CCDC178: variants seen among roughly 807,000 people sequenced by gnomAD.
CCDC178 encodes the protein coiled-coil domain containing 178, also known as coiled-coil domain-containing protein 178.
CCDC178 carries 126 observed loss-of-function variants against 117.4 expected under a neutral mutation model. The ratio of observed to expected loss-of-function variants is 1.07; its 90% confidence interval spans 0.93 to 1.24. The LOEUF is 1.24. CCDC178 is among the 50% of genes most tolerant of loss of function. The pLI, the probability that CCDC178 is intolerant of heterozygous loss-of-function variation, is 0.00. For missense variants in CCDC178, 1,030 were observed against 986.9 expected (o/e 1.04, Z -0.59); for synonymous variants, 283 against 313.4 (o/e 0.90, Z 1.02).
At chr18:33,220,907 G>A (rs373965346) in intron 18 of CCDC178, among the ~76,000 whole-genome samples, 33 of 152,066 alleles carry the variant, frequency 2.2e-4, no homozygotes, top group African/African-American at 7.2e-4. Context: ...TCTAGTGTGC[G>A]AGAAGTGCCA....
chr18:33,073,111 T>C (rs1439391907), intron 21 of CCDC178, among the ~76,000 whole-genome samples: 1 of 151,798 alleles, frequency 6.6e-6, no homozygotes, highest in Non-Finnish European at 1.5e-5. Context: ...TTTTTCTTTT[T>C]TGTGACATAA....
At chr18:32,977,220 CTTAAAG>C (rs1425637458) in intron 21 of CCDC178, among the ~76,000 whole-genome samples, 1 of 152,098 alleles carries the variant, frequency 6.6e-6, no homozygotes, top group Non-Finnish European at 1.5e-5. Context: ...TTCCGTCTAA[CTTAAAG>C]TTTAAGTTAT....
chr18:33,288,708 A>G (rs577365303), intron 12 of CCDC178, among the ~76,000 whole-genome samples: 141 of 152,258 alleles, frequency 9.3e-4, no homozygotes, highest in African/African-American at 3.2e-3. Context: ...CATAAGGAAG[A>G]AAGTTAAGAG....
intron 5 of CCDC178, among the ~76,000 whole-genome samples, chr18:33,371,800 C>CACACACACACAA (rs1470706456): frequency 2.6e-5 from 4 of 151,388 alleles, no homozygotes; most frequent in African/African-American, 9.7e-5. Context: ...CACACACACA[C>CACACACACACAA]ACACACACAC....
intron 22 of CCDC178, among the ~76,000 whole-genome samples, chr18:32,971,503 T>C (rs1598743090): frequency 6.6e-6 from 1 of 152,312 alleles, no homozygotes; most frequent in Admixed American, 6.5e-5. Flanking sequence ...TATGTCTTTA[T>C]AGTAGAATGA....
In CCDC178 at chr18:33,006,287, T is replaced by C. The variant is rs553187079; in HGVS notation, c.2389-31606A>G. Among the ~76,000 whole-genome samples, 3 of 152,166 alleles carry C rather than the reference T, an allele frequency of 2.0e-5. No individual in the cohort carries two copies. The East Asian group carries it at 5.8e-4, about 29-fold the overall frequency. ...TGCTTCAATGCATTATGTAAGCTAA[T>C]TTACCTACACAGTCACAATCAGTTG... On this transcript the variant is annotated intron_variant, in intron 21 of 22. Coordinates refer to ENST00000383096, the MANE Select transcript of CCDC178 (RefSeq NM_001105528.4).
intron 21 of CCDC178, among the ~76,000 whole-genome samples, chr18:32,994,211 C>T (rs556461881): frequency 7.9e-5 from 12 of 152,260 alleles, no homozygotes; most frequent in Admixed American, 3.9e-4. Flanking sequence ...TGCTTGTATT[C>T]CATTCTTTTT....
At chr18:33,097,191 A>G (rs2057556122) in intron 20 of CCDC178, among the ~76,000 whole-genome samples, 1 of 152,126 alleles carries the variant, frequency 6.6e-6, no homozygotes, top group African/African-American at 2.4e-5. Context: ...GAAAGCATAC[A>G]GCTTCTGCCT....
chr18:33,114,434 C>A (rs1029420455), intron 20 of CCDC178, among the ~76,000 whole-genome samples: 2 of 151,912 alleles, frequency 1.3e-5, no homozygotes, highest in South Asian at 4.2e-4. Context: ...GGGAACACTG[C>A]AATGGGGATT....
chr18:33,119,702 T>C (rs1317872281), intron 20 of CCDC178, among the ~76,000 whole-genome samples: 4 of 152,170 alleles, frequency 2.6e-5, no homozygotes, highest in South Asian at 2.1e-4. Context: ...CCCAAAGGAT[T>C]ATCAATCATG....
rs568839829 is a variant in CCDC178 at position 33,320,273 on chromosome 18, T to C, written c.1022+3218A>G. Among the ~76,000 whole-genome samples, 391 of 152,258 alleles carry C rather than the reference T, an allele frequency of 2.6e-3. 1 individual carries two copies. The highest frequency in any genetic ancestry group is 6.8e-3 in the Middle Eastern group (2 of 294). The stretch of plus-strand genomic sequence containing the variant: ...TCAGGCAGGAGAAAGAAAGAAAGTG[T>C]ATTCAATTAGGAAAAGAGGAAGTCA... On this transcript the variant is annotated intron_variant, in intron 11 of 22. Transcript: ENST00000383096.
At chr18:33,017,637 G>A (rs1210898788) in intron 21 of CCDC178, among the ~76,000 whole-genome samples, 1 of 151,742 alleles carries the variant, frequency 6.6e-6, no homozygotes, top group African/African-American at 2.4e-5. Context: ...GAACCAAAAC[G>A]ATCTAACAAA....
rs538769544 is a variant in CCDC178, at chr18:33,042,179, A to G, written c.2388+50582T>C. ...AATTGTGTACTAATTGCCAGTTGGA[A>G]GATATACCTTAATAATGGAGAAAAC... is the stretch of plus-strand genomic sequence containing the variant. On this transcript the variant is annotated intron_variant, in intron 21 of 22. Coordinates refer to ENST00000383096, the MANE Select transcript of CCDC178 (RefSeq NM_001105528.4). Among the ~76,000 whole-genome samples the G allele has an allele frequency of 2.0e-5, 3 of 152,000 alleles. No individual in the cohort carries two copies. The South Asian group carries it at 6.2e-4, about 32-fold the overall frequency.
intron 12 of CCDC178, among the ~76,000 whole-genome samples, chr18:33,282,524 G>A (rs917600178): frequency 1.2e-4 from 19 of 152,086 alleles, no homozygotes; most frequent in African/African-American, 4.3e-4. Flanking sequence ...CTTGCTTATA[G>A]GGCAGTCTCG....
chr18:33,317,985 T>C (rs8099648), intron 11 of CCDC178, among the ~76,000 whole-genome samples: 152,143 of 152,188 alleles, frequency 1, 76,049 homozygotes, highest in East Asian at 1. Flanking sequence ...TTGCCAATCC[T>C]CATGAAACAA....
intron 22 of CCDC178, among the ~76,000 whole-genome samples, chr18:32,966,716 T>G (rs2144674611): frequency 6.6e-6 from 1 of 151,944 alleles, no homozygotes; most frequent in Admixed American, 6.6e-5. Flanking sequence ...TTGAGTATGA[T>G]TGTATTGAAT....
intron 9 of CCDC178, among the ~76,000 whole-genome samples, chr18:33,338,008 T>C (rs2062764598): frequency 6.6e-6 from 1 of 152,024 alleles, no homozygotes; most frequent in East Asian, 1.9e-4. Context: ...GAACTATACG[T>C]TGAAAAAAGG....
chr18:33,075,861 C>A (rs915671137), intron 21 of CCDC178, among the ~76,000 whole-genome samples: 1 of 151,986 alleles, frequency 6.6e-6, no homozygotes, highest in African/African-American at 2.4e-5. Context: ...CCCAGCTACT[C>A]GGGAGGCTGA....
At chr18:33,198,627 G>A (rs900874824) in intron 20 of CCDC178, among the ~76,000 whole-genome samples, 115 of 152,092 alleles carry the variant, frequency 7.6e-4, no homozygotes, top group African/African-American at 1.8e-3. Context: ...CATTTTATGC[G>A]ATTTGTAAAA....
Sources: gnomAD v4.1 joint callset for allele counts (sites outside exome capture counted in the v4.1 genomes callset) on GRCh38, gnomAD v4.1.1 for gene constraint, MANE v1.5 for transcripts, NCBI Gene and HGNC (gene_info 2026-07-23, HGNC 2026-07-21) for gene names.